The following CCDC148 variants were observed in gnomAD, a reference collection of about 807,000 sequenced individuals.
CCDC148 encodes coiled-coil domain-containing protein 148.
CCDC148 carries 89 observed loss-of-function variants against 85.7 expected under a neutral mutation model. The observed-to-expected ratio is 1.04, with a 90% CI of 0.87 to 1.24. CCDC148 has a LOEUF of 1.24. Ranked by LOEUF, CCDC148 falls within the 50% of genes most tolerant of loss-of-function variation. The pLI, the probability that CCDC148 is intolerant of heterozygous loss-of-function variation, is 0.00. For missense variants in CCDC148, 692 were observed against 671.7 expected, an observed-to-expected ratio of 1.03 and a Z score of -0.33; for synonymous variants, 230 against 213.9, an observed-to-expected ratio of 1.08 and a Z score of -0.66.
intron 1 of CCDC148, among the ~76,000 whole-genome samples, chr2:158,377,889 C>T (rs1174130984): frequency 6.6e-6 from 1 of 152,108 alleles, no homozygotes. Context: ...TTCGTTCCAG[C>T]TGCTTTCCTC....
At chr2:158,402,735 T>C (rs904193317) in intron 1 of CCDC148, among the ~76,000 whole-genome samples, 7 of 152,126 alleles carry the variant, frequency 4.6e-5, no homozygotes, top group African/African-American at 1.4e-4. Context: ...CTCAAAGGAA[T>C]ATTCTCTGCC....
intron 1 of CCDC148, among the ~76,000 whole-genome samples, chr2:158,391,777 C>T (rs572927600): frequency 7.6e-4 from 116 of 152,200 alleles, no homozygotes; most frequent in African/African-American, 2.6e-3. Flanking sequence ...AATCATTTAT[C>T]AGAAAATAGC....
At chr2:158,408,659 T>C (rs1182860838) in intron 1 of CCDC148, among the ~76,000 whole-genome samples, 1 of 152,114 alleles carries the variant, frequency 6.6e-6, no homozygotes, top group Non-Finnish European at 1.5e-5. Context: ...CTTTATGCAT[T>C]CATCCATTGA....
At chr2:158,238,644 G>A (rs1353993211) in intron 10 of CCDC148, among the ~76,000 whole-genome samples, 1 of 152,096 alleles carries the variant, frequency 6.6e-6, no homozygotes, top group Non-Finnish European at 1.5e-5. Context: ...AATCTTGAAA[G>A]AATTTTAAGA....
chr2:158,298,697 T>C, intron 9 of CCDC148, among the ~76,000 whole-genome samples: 1 of 152,208 alleles, frequency 6.6e-6, no homozygotes, highest in East Asian at 1.9e-4. Context: ...TTTACATTTC[T>C]AGAATTTCTA....
chr2:158,411,106 T>C (rs1686239509), intron 1 of CCDC148, among the ~76,000 whole-genome samples: 1 of 152,170 alleles, frequency 6.6e-6, no homozygotes. Context: ...CCTTTTCTGT[T>C]TGCGTTCAAA....
At chr2:158,330,800 G>A (rs1483226429) in intron 7 of CCDC148, among the ~76,000 whole-genome samples, 1 of 152,132 alleles carries the variant, frequency 6.6e-6, no homozygotes, top group African/African-American at 2.4e-5. Flanking sequence ...TTTGCATAGA[G>A]GTGTTTATAG....
intron 7 of CCDC148, among the ~76,000 whole-genome samples, chr2:158,333,641 G>T (rs1207977407): frequency 3.3e-5 from 5 of 152,092 alleles, no homozygotes; most frequent in Non-Finnish European, 7.4e-5. Flanking sequence ...CTATTATTGT[G>T]TGGGAGTCTA....
chr2:158,203,986 T>C (rs752396491), intron 11 of CCDC148, among the ~76,000 whole-genome samples: 5 of 152,198 alleles, frequency 3.3e-5, no homozygotes, highest in Non-Finnish European at 5.9e-5. Flanking sequence ...CTTATTCCTG[T>C]AGTTTAAACA....
At chr2:158,277,667 C>T (rs866691645) in intron 9 of CCDC148, among the ~76,000 whole-genome samples, 5 of 151,766 alleles carry the variant, frequency 3.3e-5, no homozygotes, top group South Asian at 2.1e-4. Flanking sequence ...CGTGATCTCG[C>T]CTCACTGTAA....
At chr2:158,226,566 G>A (rs1255022539) in intron 10 of CCDC148, among the ~76,000 whole-genome samples, 1 of 152,094 alleles carries the variant, frequency 6.6e-6, no homozygotes, top group African/African-American at 2.4e-5. Flanking sequence ...ATAAAATACT[G>A]GCAAACTGAA....
At chr2:158,179,780 A>G (rs1684798215) in intron 11 of CCDC148, among the ~76,000 whole-genome samples, 1 of 152,200 alleles carries the variant, frequency 6.6e-6, no homozygotes. Flanking sequence ...TGTCATCTAC[A>G]TTCTCACTTT....
chr2:158,351,338 T>C (rs1444489091), intron 2 of CCDC148, among the ~76,000 whole-genome samples: 1 of 152,080 alleles, frequency 6.6e-6, no homozygotes, highest in Non-Finnish European at 1.5e-5. Context: ...TTCATCTCAC[T>C]AGGGAGTGCC....
chr2:158,226,003 A>C (rs1328210963), intron 10 of CCDC148, among the ~76,000 whole-genome samples: 1 of 152,234 alleles, frequency 6.6e-6, no homozygotes, highest in Non-Finnish European at 1.5e-5. Context: ...TCAAAAAATC[A>C]ATGAATCTAG....
chr2:158,331,180 A>G (rs1693090539), intron 7 of CCDC148, among the ~76,000 whole-genome samples: 1 of 152,104 alleles, frequency 6.6e-6, no homozygotes, highest in African/African-American at 2.4e-5. Context: ...ACTGCTTTGA[A>G]TGTGTCCCAG....
intron 9 of CCDC148, among the ~76,000 whole-genome samples, chr2:158,275,433 G>A (rs184475011): frequency 5.9e-5 from 9 of 152,316 alleles, no homozygotes; most frequent in Middle Eastern, 3.4e-3. Flanking sequence ...CTGGATGCAC[G>A]AGTGGGAGCC....
At position 158,365,454 on chromosome 2, in the gene CCDC148, C is replaced by T. The variant is rs548540954; in HGVS notation, c.26-6884G>A. Among the ~76,000 whole-genome samples the T allele has an allele frequency of 8.5e-5, 13 of 152,238 alleles. No individual in the cohort carries two copies. The East Asian group carries it at 9.7e-4, about 11-fold the overall frequency. On this transcript the variant is annotated intron_variant, in intron 1 of 13. Transcript: ENST00000283233. ...GGATAAAGAAAATGTGGCACATATA[C>T]ACCATGAAATACTATGCAGCCATAA...
intron 1 of CCDC148, among the ~76,000 whole-genome samples, chr2:158,422,513 G>A (rs575554109): frequency 6.6e-6 from 1 of 152,190 alleles, no homozygotes; most frequent in South Asian, 2.1e-4. Flanking sequence ...CGCAGAAAAG[G>A]CCTTTGACGA....
chr2:158,440,832 A>G (rs991599474), intron 1 of CCDC148, among the ~76,000 whole-genome samples: 2 of 152,224 alleles, frequency 1.3e-5, no homozygotes, highest in African/African-American at 4.8e-5. Flanking sequence ...AATGACTACT[A>G]GTATACTCCA....
Sources: gnomAD v4.1 joint callset for allele counts (sites outside exome capture counted in the v4.1 genomes callset) on GRCh38, gnomAD v4.1.1 for gene constraint, MANE v1.5 for transcripts, NCBI Gene and HGNC (gene_info 2026-07-23, HGNC 2026-07-21) for gene names.